Variants in MAF observed in about 807,000 individuals in gnomAD.
The protein encoded by MAF is MAF bZIP transcription factor.
In MAF, 10 loss-of-function variants were observed where a neutral mutation model predicts 22.0. That is an observed-to-expected ratio of 0.45 (90% CI 0.28 to 0.77). The LOEUF (loss-of-function observed/expected upper bound fraction) is 0.77, where lower values mean the gene tolerates loss of function less well. MAF is among the 30% of genes least tolerant of loss of function. The pLI is 0.12. For missense variants in MAF, 544 were observed against 548.4 expected (o/e 0.99, Z 0.08); for synonymous variants, 337 against 255.8 (o/e 1.32, Z -3.03).
chr16:79,240,411 C>G, the MAF span, among the ~76,000 whole-genome samples: 2 of 147,036 alleles, frequency 1.4e-5, no homozygotes, highest in African/African-American at 2.5e-5. Flanking sequence ...CAGGACCTCT[C>G]TAGCCAACAT....
At chr16:79,486,817 A>G in the MAF span, among the ~76,000 whole-genome samples, 1 of 152,242 alleles carries the variant, frequency 6.6e-6, no homozygotes. Context: ...CTTGGGTGGG[A>G]TAGAGCTACG....
At chr16:79,308,684 A>G in the MAF span, among the ~76,000 whole-genome samples, 1 of 152,200 alleles carries the variant, frequency 6.6e-6, no homozygotes. Flanking sequence ...TTTGACAAGC[A>G]TATCCTTTAA....
the MAF span, among the ~76,000 whole-genome samples, chr16:79,404,638 AT>A: frequency 0.34 from 50,241 of 148,882 alleles, 8,966 homozygotes; most frequent in East Asian, 0.68. Flanking sequence ...TTTTTTTTAA[AT>A]TTTTTTTTTT....
chr16:79,444,947 GTGTA>G, the MAF span, among the ~76,000 whole-genome samples: 314 of 152,280 alleles, frequency 2.1e-3, 1 homozygote, highest in Middle Eastern at 6.8e-3. Context: ...AGCCTGCTAC[GTGTA>G]TGTGAGAGTG....
the MAF span, among the ~76,000 whole-genome samples, chr16:79,398,258 C>T: frequency 6.6e-6 from 1 of 152,176 alleles, no homozygotes; most frequent in Non-Finnish European, 1.5e-5. Flanking sequence ...ACGCTAGGTC[C>T]AGCAAGATAA....
the MAF span, among the ~76,000 whole-genome samples, chr16:79,491,964 G>T: frequency 6.6e-6 from 1 of 152,076 alleles, no homozygotes; most frequent in Non-Finnish European, 1.5e-5. Flanking sequence ...CTACGTACCC[G>T]GAACTGACAA....
downstream of MAF, among the ~76,000 whole-genome samples, chr16:79,591,773 G>A (rs912232624): frequency 6.6e-6 from 1 of 152,190 alleles, no homozygotes; most frequent in African/African-American, 2.4e-5. Flanking sequence ...CTGTCACGAT[G>A]TCATAAAACT....
chr16:79,213,570 G>C, the MAF span, among the ~76,000 whole-genome samples: 1 of 152,176 alleles, frequency 6.6e-6, no homozygotes, highest in Non-Finnish European at 1.5e-5. Flanking sequence ...TTTGCACTGG[G>C]GCTTGCCTTT....
At chr16:79,338,521 T>A in the MAF span, among the ~76,000 whole-genome samples, 1 of 152,138 alleles carries the variant, frequency 6.6e-6, no homozygotes, top group Non-Finnish European at 1.5e-5. Flanking sequence ...AGATATCCAA[T>A]GAGAACAATT....
At chr16:79,418,760 G>A in the MAF span, among the ~76,000 whole-genome samples, 1 of 152,128 alleles carries the variant, frequency 6.6e-6, no homozygotes, top group Non-Finnish European at 1.5e-5. Flanking sequence ...GATTTATGGA[G>A]ATGATATATG....
chr16:79,342,359 G>C, the MAF span, among the ~76,000 whole-genome samples: 11 of 152,328 alleles, frequency 7.2e-5, no homozygotes, highest in African/African-American at 2.4e-4. Flanking sequence ...TGTTGCATAA[G>C]TAAAGACATC....
At chr16:79,519,006 G>A in the MAF span, among the ~76,000 whole-genome samples, 1 of 152,108 alleles carries the variant, frequency 6.6e-6, no homozygotes, top group Non-Finnish European at 1.5e-5. Flanking sequence ...AGAACTATAA[G>A]CTCCTAGGAA....
At chr16:79,469,683 A>C in the MAF span, among the ~76,000 whole-genome samples, 1 of 151,862 alleles carries the variant, frequency 6.6e-6, no homozygotes, top group African/African-American at 2.4e-5. Flanking sequence ...TGCAACCTCT[A>C]CCTCCCAGGT....
chr16:79,599,201 T>TCCGCCGCCG lies in MAF; in HGVS notation c.693_701dup (p.Gly236_Gly238dup), dbSNP rs887468453. 62 of 975,004 alleles carry TCCGCCGCCG rather than the reference T, an allele frequency of 6.4e-5. No homozygotes were observed. The highest frequency in any genetic ancestry group is 1.3e-4 in the Admixed American group (2 of 15,776). 60.4% of individuals were successfully genotyped at this position (975,004 alleles called of 1,614,324 possible). ...CCGCCCCCGCCGCGCCCCCGCCGCC[T>TCCGCCGCCG]CCGCCGCCGCCGCCGCCGCCGCCGC... On this transcript the variant is annotated inframe_insertion, in exon 1 of 2. Coordinates refer to ENST00000326043, the MANE Select transcript of MAF (RefSeq NM_005360.5).
chr16:79,556,238 C>A, the MAF span, among the ~76,000 whole-genome samples: 1 of 152,076 alleles, frequency 6.6e-6, no homozygotes, highest in East Asian at 1.9e-4. Flanking sequence ...TATCAAATAC[C>A]ACTTACTTCC....
chr16:79,321,839 A>T, the MAF span, among the ~76,000 whole-genome samples: 5 of 151,544 alleles, frequency 3.3e-5, no homozygotes, highest in Non-Finnish European at 5.9e-5. Context: ...ACAGGTGTGA[A>T]CCACCGTGCC....
chr16:79,361,723 T>C, the MAF span, among the ~76,000 whole-genome samples: 2 of 151,960 alleles, frequency 1.3e-5, no homozygotes, highest in East Asian at 3.9e-4. Flanking sequence ...TTTGGTGGTC[T>C]TTCATCTCCC....
the MAF span, among the ~76,000 whole-genome samples, chr16:79,406,615 C>T: frequency 6.6e-6 from 1 of 152,190 alleles, no homozygotes; most frequent in Non-Finnish European, 1.5e-5. Flanking sequence ...CCCATAGGTC[C>T]TACCTCCAAA....
the MAF span, among the ~76,000 whole-genome samples, chr16:79,423,198 T>G: frequency 6.6e-6 from 1 of 152,092 alleles, no homozygotes; most frequent in East Asian, 1.9e-4. Context: ...ACCGCAAGAG[T>G]TATCAGTTGT....
Sources: gnomAD v4.1 joint callset for allele counts (sites outside exome capture counted in the v4.1 genomes callset) on GRCh38, gnomAD v4.1.1 for gene constraint, MANE v1.5 for transcripts, NCBI Gene and HGNC (gene_info 2026-07-23, HGNC 2026-07-21) for gene names.